ZC3H11A: variants seen among roughly 807,000 people sequenced by gnomAD.
ZC3H11A encodes zinc finger CCCH domain-containing protein 11A.
Under a neutral mutation model 90.8 loss-of-function variants are expected in ZC3H11A, and 22 were observed. That is an observed-to-expected ratio of 0.24 (90% confidence interval 0.17 to 0.35). ZC3H11A has a LOEUF of 0.35. ZC3H11A is among the 10% of genes least tolerant of loss of function. The pLI, the probability that ZC3H11A is intolerant of heterozygous loss-of-function variation, is 1.00. For missense variants in ZC3H11A, 701 were observed against 964.9 expected (o/e 0.73, Z 3.62); for synonymous variants, 294 against 339.8 (o/e 0.87, Z 1.48).
In ZC3H11A at chr1:203,805,814, C is replaced by T; in HGVS notation, c.-146+2798C>T. 5.9e-6 allele frequency: 5 copies of T among 849,798 alleles called. No individual in the cohort carries two copies. In the South Asian group the frequency reaches 6.5e-5, roughly 11 times the overall value. 52.6% of individuals were successfully genotyped at this position (849,798 alleles called of 1,614,324 possible). On this transcript the variant is annotated intron_variant, in intron 2 of 17. Coordinates refer to ENST00000367210, the MANE Select transcript of ZC3H11A (RefSeq NM_001376342.1). ...TTGTCTTCATCTAATTCTGGGCCGCCATAACTGCGACTCAGTGCTTCTTGG... is the reference window on the plus strand; with the variant it reads ...TTGTCTTCATCTAATTCTGGGCCGCTATAACTGCGACTCAGTGCTTCTTGG...
chr1:203,835,863 C>T (rs1053922264), intron 10 of ZC3H11A: 2 of 245,148 alleles, frequency 8.2e-6, no homozygotes, highest in East Asian at 2.0e-4. Context: ...TTTCCGGAGA[C>T]CCCACTTATA....
At position 203,833,909 on chromosome 1, in the gene ZC3H11A, A is replaced by T. The variant is rs1157336894; in HGVS notation, c.874+56A>T. 3.2e-6 allele frequency: 5 copies of T among 1,559,134 alleles called. No homozygotes were observed. In the Admixed American group the frequency reaches 9.5e-5, roughly 30 times the overall value. On this transcript the variant is annotated intron_variant, in intron 10 of 17. Coordinates refer to ENST00000367210, the MANE Select transcript of ZC3H11A (RefSeq NM_001376342.1). Reference sequence around the variant, plus strand: ...TTCTACTTGTTTGTGCATTAACATGATAGCTTCTCCAAACTCTTTTTATAC... The same window carrying T: ...TTCTACTTGTTTGTGCATTAACATGTTAGCTTCTCCAAACTCTTTTTATAC...
rs993405307 is a variant in ZC3H11A, at chr1:203,850,069, T to TA, written c.1939+44dup. 2.5e-6 allele frequency: 4 copies of TA among 1,581,678 alleles called. No individual in the cohort carries two copies. In the Admixed American group the frequency reaches 5.5e-5, roughly 22 times the overall value. The stretch of plus-strand genomic sequence containing the variant: ...GTGTATTGCTTTAGGTTATCAAAAT[T>TA]ACCAAATTCAACCCAATTGTTGCCA... On this transcript the variant is annotated intron_variant, in intron 15 of 17. Coordinates refer to ENST00000367210, the MANE Select transcript of ZC3H11A (RefSeq NM_001376342.1).
At chr1:203,843,406 T>C (rs1234144102) in intron 12 of ZC3H11A, among the ~76,000 whole-genome samples, 1 of 152,240 alleles carries the variant, frequency 6.6e-6, no homozygotes, top group Non-Finnish European at 1.5e-5. Flanking sequence ...TAGATAGATG[T>C]TGGAACTTTG....
At chr1:203,798,730 G>A in intron 1 of ZC3H11A, 1 of 1,536,134 alleles carries the variant, frequency 6.5e-7, no homozygotes, top group Non-Finnish European at 8.7e-7. Flanking sequence ...ACATGTTGTG[G>A]AAATCCAGTC....
At chr1:203,808,470 T>G (rs1673126511) in intron 2 of ZC3H11A, among the ~76,000 whole-genome samples, 1 of 152,238 alleles carries the variant, frequency 6.6e-6, no homozygotes, top group African/African-American at 2.4e-5. Flanking sequence ...TCCCCTTTAA[T>G]GTAAAGACTC....
At chr1:203,815,432 T>C (rs1676058130) in intron 2 of ZC3H11A, among the ~76,000 whole-genome samples, 1 of 147,574 alleles carries the variant, frequency 6.8e-6, no homozygotes, top group Non-Finnish European at 1.5e-5. Context: ...TTGTCCAGGC[T>C]GGTCTCGAAC....
chr1:203,810,006 G>GATACTTTTTTTTTCCTTTTAAACT, intron 2 of ZC3H11A, among the ~76,000 whole-genome samples: 1 of 152,058 alleles, frequency 6.6e-6, no homozygotes, highest in Admixed American at 6.6e-5. Context: ...TGGCAACCTA[G>GATACTTTTTTTTTCCTTTTAAACT]ATACTTTTTT....
At chr1:203,816,460 CA>C (rs919165850) in intron 2 of ZC3H11A, among the ~76,000 whole-genome samples, 233 of 152,070 alleles carry the variant, frequency 1.5e-3, no homozygotes, top group African/African-American at 5.4e-3. Flanking sequence ...CCTGTCTTTA[CA>C]AAAATTTTTT....
intron 13 of ZC3H11A, among the ~76,000 whole-genome samples, chr1:203,847,988 T>C (rs1242160293): frequency 6.6e-6 from 1 of 152,138 alleles, no homozygotes; most frequent in Non-Finnish European, 1.5e-5. Flanking sequence ...CCCAAGTAGC[T>C]GGGGCTACAG....
intron 2 of ZC3H11A, 148 bp from the exon 3 acceptor site, chr1:203,816,778 A>G (rs1006492932): frequency 1.7e-5 from 5 of 291,756 alleles, no homozygotes; most frequent in Non-Finnish European, 2.5e-5. Flanking sequence ...AATGTACAGT[A>G]TTCGCAATCA....
At chr1:203,836,635 G>A (rs1684428300) in intron 10 of ZC3H11A, among the ~76,000 whole-genome samples, 1 of 152,174 alleles carries the variant, frequency 6.6e-6, no homozygotes, top group Admixed American at 6.5e-5. Flanking sequence ...AATCAGCCAG[G>A]CATGGTGGCA....
chr1:203,817,173 G>T (rs1676633541), intron 3 of ZC3H11A, 49 bp downstream of exon 3: 5 of 1,476,682 alleles, frequency 3.4e-6, no homozygotes, highest in Middle Eastern at 1.8e-4. Flanking sequence ...TTGCTTAATA[G>T]AATTGGATAA....
At chr1:203,808,785 G>A (rs893889291) in intron 2 of ZC3H11A, among the ~76,000 whole-genome samples, 5 of 152,066 alleles carry the variant, frequency 3.3e-5, no homozygotes, top group Middle Eastern at 3.4e-3. Context: ...CTTCGTCGTC[G>A]TCATCGCCAT....
chr1:203,828,497 G>T, intron 5 of ZC3H11A, 75 bp downstream of exon 5: 3 of 1,504,462 alleles, frequency 2.0e-6, no homozygotes, highest in South Asian at 1.2e-5. Context: ...GTACTTTTCA[G>T]ACATTGACTC....
chr1:203,851,163 C>T, intron 17 of ZC3H11A, 39 bp downstream of exon 17: 1 of 1,592,954 alleles, frequency 6.3e-7, no homozygotes, highest in Middle Eastern at 1.7e-4. Context: ...ACTCCAGGCC[C>T]CTGTTACTGT....
Position 203,828,550 on chromosome 1 carries a change from A to T in ZC3H11A, c.298+128A>T, listed in dbSNP as rs1572165258. 3.4e-6 allele frequency: 4 copies of T among 1,162,112 alleles called. No homozygotes were observed. In the East Asian group the frequency reaches 1.0e-4, roughly 30 times the overall value. The allele number at this position is 1,162,112 out of a possible 1,614,324, so 72.0% of individuals were successfully genotyped here. A position where few individuals can be genotyped will look rare whatever the true frequency, so the allele number is the denominator to read the frequency against. ...CAGCAGAATTATTTCCACTTTACAG[A>T]TAAGTGAACTGAATCTTATTAAGGT... On this transcript the variant is annotated intron_variant, in intron 5 of 17. Coordinates refer to ENST00000367210, the MANE Select transcript of ZC3H11A (RefSeq NM_001376342.1).
rs559786109 is a variant in ZC3H11A, at chr1:203,834,691, C to G, written c.874+838C>G. Among the ~76,000 whole-genome samples, 15 of 152,278 alleles carry G rather than the reference C, an allele frequency of 9.9e-5. No individual in the cohort carries two copies. The South Asian group carries it at 2.7e-3, about 27-fold the overall frequency. On this transcript the variant is annotated intron_variant, in intron 10 of 17. Coordinates refer to ENST00000367210, the MANE Select transcript of ZC3H11A (RefSeq NM_001376342.1). ...TGAAACGAGAGTCTTGCTCTGTCGC[C>G]CACGCTGGCGTGCACTGGCACAATC... is the stretch of plus-strand genomic sequence containing the variant.
chr1:203,841,903 G>C (rs565920099), intron 12 of ZC3H11A, among the ~76,000 whole-genome samples: 1 of 148,382 alleles, frequency 6.7e-6, no homozygotes, highest in Non-Finnish European at 1.5e-5. Flanking sequence ...GGGCAGAGAC[G>C]CTCCTCACCT....
Sources: allele counts gnomAD v4.1 joint callset (sites outside exome capture counted in the v4.1 genomes callset), GRCh38; gene constraint gnomAD v4.1.1; transcripts MANE v1.5; gene names NCBI Gene and HGNC (gene_info 2026-07-23, HGNC 2026-07-21).